The following ARHGAP12 variants were observed in gnomAD, a reference collection of about 807,000 sequenced individuals.
ARHGAP12 encodes rho GTPase-activating protein 12.
Under a neutral mutation model 108.6 loss-of-function variants are expected in ARHGAP12, and 64 were observed. The observed-to-expected ratio is 0.59, with a 90% CI of 0.48 to 0.73. The LOEUF (loss-of-function observed/expected upper bound fraction) is 0.73, where lower values mean the gene tolerates loss of function less well. Ranked by LOEUF, ARHGAP12 falls within the 30% of genes least tolerant of loss-of-function variation. The pLI is 0.00. For synonymous variants in ARHGAP12, 312 were observed against 337.2 expected (o/e 0.93, Z 0.82); for missense variants, 940 against 1,005.9 (o/e 0.93, Z 0.89).
chr10:31,895,400 C>T (rs922779203), intron 3 of ARHGAP12, among the ~76,000 whole-genome samples: 6 of 151,746 alleles, frequency 4.0e-5, no homozygotes. Context: ...AACAAATTTA[C>T]AAGAAAAAAC....
chr10:31,877,144 T>C (rs907795759), intron 3 of ARHGAP12, among the ~76,000 whole-genome samples: 18 of 152,246 alleles, frequency 1.2e-4, no homozygotes, highest in Non-Finnish European at 2.1e-4. Flanking sequence ...TACTAATTTC[T>C]TGCTCAGCAT....
intron 1 of ARHGAP12, among the ~76,000 whole-genome samples, chr10:31,911,291 G>A (rs1447159226): frequency 1.3e-5 from 2 of 152,056 alleles, no homozygotes; most frequent in Admixed American, 6.5e-5. Context: ...CCCAAAGTGA[G>A]GGGATTATAG....
At chr10:31,867,295 C>T (rs76183138) in intron 3 of ARHGAP12, among the ~76,000 whole-genome samples, 174 of 151,862 alleles carry the variant, frequency 1.1e-3, no homozygotes, top group African/African-American at 3.9e-3. Flanking sequence ...AAAGAATAGA[C>T]GAGGACTCCG....
At chr10:31,824,237 A>G (rs767252809) in intron 11 of ARHGAP12, among the ~76,000 whole-genome samples, 12 of 152,202 alleles carry the variant, frequency 7.9e-5, no homozygotes, top group Non-Finnish European at 1.2e-4. Context: ...CAAGCATTTC[A>G]CCACATCTTT....
chr10:31,861,928 T>C (rs916922802), intron 3 of ARHGAP12, among the ~76,000 whole-genome samples: 7 of 152,224 alleles, frequency 4.6e-5, no homozygotes, highest in African/African-American at 1.4e-4. Context: ...TGGGTTCTAA[T>C]TCAAGATCTG....
intron 9 of ARHGAP12, among the ~76,000 whole-genome samples, chr10:31,834,226 T>C (rs1450934712): frequency 6.6e-6 from 1 of 152,218 alleles, no homozygotes; most frequent in African/African-American, 2.4e-5. Flanking sequence ...TTTGCCTTAT[T>C]GTACTTACTA....
chr10:31,864,333 C>A (rs926631461), intron 3 of ARHGAP12, among the ~76,000 whole-genome samples: 3 of 152,022 alleles, frequency 2.0e-5, no homozygotes, highest in African/African-American at 7.2e-5. Flanking sequence ...AAAACTAACA[C>A]AAATAAGCCT....
chr10:31,834,172 C>T lies in ARHGAP12; in HGVS notation c.1387-2372G>A, dbSNP rs184393967. 2.6e-5 allele frequency among the ~76,000 whole-genome samples: 4 copies of T among 152,270 alleles called. No homozygotes were observed. In the East Asian group the frequency reaches 7.7e-4, roughly 29 times the overall value. On this transcript the variant is annotated intron_variant, in intron 9 of 19. Transcript: ENST00000344936. ...ATGTTACTTTAGGGCTTTTCCTGACCACTTTTAAGTAAACTTCCCACTATT... is the reference window on the plus strand; with the variant it reads ...ATGTTACTTTAGGGCTTTTCCTGACTACTTTTAAGTAAACTTCCCACTATT...
At chr10:31,821,824 T>C (rs1835427747) in intron 11 of ARHGAP12, among the ~76,000 whole-genome samples, 1 of 152,218 alleles carries the variant, frequency 6.6e-6, no homozygotes, top group African/African-American at 2.4e-5. Context: ...ACAAAGTCTT[T>C]GCCTGAAGTA....
At position 31,807,558 on chromosome 10, in the gene ARHGAP12, A is replaced by G. The variant is rs1834860620; in HGVS notation, c.*100T>C. The G allele has an allele frequency of 7.9e-7, 1 of 1,259,300 alleles. No homozygotes were observed. The highest frequency in any genetic ancestry group is 1.1e-6 in the Non-Finnish European group (1 of 932,454). The allele number at this position is 1,259,300 out of a possible 1,614,324, so 78.0% of individuals were successfully genotyped here. A position where few individuals can be genotyped will look rare whatever the true frequency, so the allele number is the denominator to read the frequency against. On this transcript the variant is annotated 3_prime_UTR_variant, in exon 20 of 20. Transcript: ENST00000344936. ...CCCTCAAAAAAAAAGTGCAAAATCAAAGAGTCACTGCTTGGTCCAAAAAAT... is the reference window on the plus strand; with the variant it reads ...CCCTCAAAAAAAAAGTGCAAAATCAGAGAGTCACTGCTTGGTCCAAAAAAT...
intron 13 of ARHGAP12, among the ~76,000 whole-genome samples, chr10:31,814,913 A>G (rs181286123): frequency 6.1e-4 from 93 of 152,100 alleles, no homozygotes; most frequent in Middle Eastern, 3.4e-3. Context: ...AGGTTATGAG[A>G]TTGAGACCAG....
intron 3 of ARHGAP12, among the ~76,000 whole-genome samples, chr10:31,901,407 G>A (rs796115716): frequency 4.4e-4 from 67 of 151,514 alleles, no homozygotes; most frequent in African/African-American, 1.4e-3. Flanking sequence ...GGTGGTGGAT[G>A]CCTGGTCCCA....
At chr10:31,809,355 T>C (rs754716419) in intron 16 of ARHGAP12, 48 bp from the exon 17 acceptor site, 7 of 1,544,876 alleles carry the variant, frequency 4.5e-6, no homozygotes, top group Non-Finnish European at 6.3e-6. Context: ...AAGTACTTCT[T>C]TGCCTCTTCT....
chr10:31,863,566 C>A (rs930090832), intron 3 of ARHGAP12, among the ~76,000 whole-genome samples: 1 of 152,092 alleles, frequency 6.6e-6, no homozygotes, highest in Non-Finnish European at 1.5e-5. Flanking sequence ...GCCTTCAGCA[C>A]AATCTATAAG....
At position 31,845,834 on chromosome 10, in the gene ARHGAP12, T is replaced by A. The variant is rs142385331; in HGVS notation, c.1171-2248A>T. On this transcript the variant is annotated intron_variant, in intron 6 of 19. Coordinates refer to ENST00000344936, the MANE Select transcript of ARHGAP12 (RefSeq NM_018287.7). ...GTGATTTCCTTACAGAAGCATATTC[T>A]TGGATCACAGTGATTTAATATCCAT... 1.1e-4 allele frequency among the ~76,000 whole-genome samples: 17 copies of A among 152,258 alleles called. No homozygotes were observed. In the East Asian group the frequency reaches 3.1e-3, roughly 28 times the overall value.
intron 3 of ARHGAP12, among the ~76,000 whole-genome samples, chr10:31,872,386 C>T (rs1487973353): frequency 1.3e-5 from 2 of 152,134 alleles, no homozygotes; most frequent in Non-Finnish European, 2.9e-5. Flanking sequence ...TCACTACATC[C>T]TCTGCCTCAA....
At position 31,908,750 on chromosome 10, in the gene ARHGAP12, G is replaced by C. The variant is rs917436262; in HGVS notation, c.106C>G (p.Gln36Glu). ...TTCACCAAGATGTACCTCTCCCCTT[G>C]TTTTATCACAATCTTTCTGTCCTTT... ...EAKDRKIVIK[Q>E]GERYILVKKT... The change falls in exon 3 of 20, where the codon CAA (glutamine) becomes GAA (glutamate). Residue 36 changes from glutamine to glutamate, a missense_variant. By Grantham distance (29) the Gln-to-Glu change is conservative. Transcript: ENST00000344936. The C allele has an allele frequency of 1.2e-6, 2 of 1,613,910 alleles. No individual in the cohort carries two copies. Among genetic ancestry groups the C allele is most frequent in the Admixed American group, 3.3e-5 (2 of 59,998 alleles).
rs1290241320 is a variant in ARHGAP12 at position 31,900,872 on chromosome 10, T to A, written c.684+7300A>T. Reference sequence around the variant, plus strand: ...GTAGGCATTTGAGGTGGGTCGGGAATTCCAGGACAGAATGCAGACTATGAC... The same window carrying A: ...GTAGGCATTTGAGGTGGGTCGGGAAATCCAGGACAGAATGCAGACTATGAC... On this transcript the variant is annotated intron_variant, in intron 3 of 19. Transcript: ENST00000344936. 2.6e-5 allele frequency among the ~76,000 whole-genome samples: 4 copies of A among 152,098 alleles called. No homozygotes were observed. In the East Asian group the frequency reaches 7.7e-4, roughly 29 times the overall value.
At chr10:31,862,461 G>C (rs768830856) in intron 3 of ARHGAP12, among the ~76,000 whole-genome samples, 1 of 152,034 alleles carries the variant, frequency 6.6e-6, no homozygotes, top group Non-Finnish European at 1.5e-5. Flanking sequence ...ACTGTAAATT[G>C]TATTAGGTTA....
Sources: gnomAD v4.1 joint callset for allele counts (sites outside exome capture counted in the v4.1 genomes callset) on GRCh38, gnomAD v4.1.1 for gene constraint, MANE v1.5 for transcripts, NCBI Gene and HGNC (gene_info 2026-07-23, HGNC 2026-07-21) for gene names.